Variants in SLC25A16 observed in about 807,000 individuals in gnomAD.
The protein encoded by SLC25A16 is mitochondrial coenzyme A transporter SLC25A16.
Under a neutral mutation model 41.5 loss-of-function variants are expected in SLC25A16, and 39 were observed. The observed-to-expected ratio is 0.94, with a 90% CI of 0.73 to 1.23. The LOEUF (loss-of-function observed/expected upper bound fraction) is 1.23, where lower values mean the gene tolerates loss of function less well. SLC25A16 is among the 50% of genes most tolerant of loss of function. The pLI, the probability that SLC25A16 is intolerant of heterozygous loss-of-function variation, is 0.00. For missense variants in SLC25A16, 421 were observed against 426.9 expected, an observed-to-expected ratio of 0.99 and a Z score of 0.12; for synonymous variants, 146 against 147.8, an observed-to-expected ratio of 0.99 and a Z score of 0.09.
At chr10:68,512,355 T>TCACTCCTGGATATGAAGATA (rs2053078444) in intron 2 of SLC25A16, among the ~76,000 whole-genome samples, 1 of 141,744 alleles carries the variant, frequency 7.1e-6, no homozygotes, top group Admixed American at 7.2e-5. Context: ...TAAATGATAT[T>TCACTCCTGGATATGAAGATA]GGCCGGGCGC....
intron 4 of SLC25A16, among the ~76,000 whole-genome samples, chr10:68,498,009 G>C (rs531259396): frequency 6.6e-6 from 1 of 152,016 alleles, no homozygotes; most frequent in African/African-American, 2.4e-5. Context: ...CCAAAGAACT[G>C]GGTTTATAGA....
At chr10:68,498,369 G>A (rs1189943847) in intron 4 of SLC25A16, among the ~76,000 whole-genome samples, 8 of 145,052 alleles carry the variant, frequency 5.5e-5, no homozygotes, top group Non-Finnish European at 1.0e-4. Context: ...CACCGTGCCC[G>A]GCCCTAGAAT....
chr10:68,514,585 G>A (rs187143488), intron 2 of SLC25A16, among the ~76,000 whole-genome samples: 1 of 152,256 alleles, frequency 6.6e-6, no homozygotes, highest in African/African-American at 2.4e-5. Flanking sequence ...TCCTAGAACT[G>A]GAACCGCAAG....
chr10:68,516,705 C>A (rs748004775), intron 2 of SLC25A16, 46 bp downstream of exon 2: 1 of 1,352,276 alleles, frequency 7.4e-7, no homozygotes, highest in Non-Finnish European at 1.0e-6. Flanking sequence ...TGCCCACTTT[C>A]CACAATATTT....
chr10:68,497,103 T>C (rs561901214), intron 4 of SLC25A16, among the ~76,000 whole-genome samples: 3 of 152,330 alleles, frequency 2.0e-5, no homozygotes, highest in Admixed American at 6.5e-5. Context: ...CATCAATTCA[T>C]CCTCTCCCGC....
rs1186180183 is a variant in SLC25A16, at chr10:68,479,184, A to T, written c.*4248T>A. 6.6e-6 allele frequency: 1 copy of T among 152,196 alleles called. No individual in the cohort carries two copies. The highest frequency in any genetic ancestry group is 1.5e-5 in the Non-Finnish European group (1 of 68,036). 9.4% of individuals were successfully genotyped at this position (152,196 alleles called of 1,614,324 possible). On this transcript the variant is annotated 3_prime_UTR_variant, in exon 9 of 9. Transcript: ENST00000609923. ...TATTTGTGCTTCATTTCTGCCTGCT[A>T]GAACATAAAGTCTTCAAAAACAGGG...
chr10:68,516,766 G>GGTGATTGTGAGCTTGTAATA lies in SLC25A16; in HGVS notation c.188_207dup (p.His70TyrfsTer12). The stretch of plus-strand genomic sequence containing the variant: ...ATTAACTCACCTAAATGCTTGTAAT[G>GGTGATTGTGAGCTTGTAATA]GTGATTGTGAGCTTGTAATAAAACC... On this transcript the variant is annotated frameshift_variant, in exon 2 of 9. Transcript: ENST00000609923. LOFTEE classifies it high-confidence loss of function. 1 of 1,606,594 alleles carries GGTGATTGTGAGCTTGTAATA rather than the reference G, an allele frequency of 6.2e-7. No individual in the cohort carries two copies.
chr10:68,520,379 G>C (rs2053230301), intron 1 of SLC25A16, among the ~76,000 whole-genome samples: 1 of 152,070 alleles, frequency 6.6e-6, no homozygotes, highest in African/African-American at 2.4e-5. Context: ...TAGACAATCT[G>C]TAAATAAACA....
intron 4 of SLC25A16, chr10:68,496,714 G>C: frequency 1.1e-6 from 1 of 938,460 alleles, no homozygotes; most frequent in Non-Finnish European, 1.3e-6. Context: ...GGAAACCTGA[G>C]AACATATTTT....
chr10:68,496,054 T>A (rs10998228), intron 4 of SLC25A16, among the ~76,000 whole-genome samples: 13,397 of 152,198 alleles, frequency 0.088, 895 homozygotes, highest in South Asian at 0.24. Context: ...TCTCATGTAT[T>A]CTATTGAAAC....
At chr10:68,492,432 T>G (rs961168897) in intron 6 of SLC25A16, among the ~76,000 whole-genome samples, 2 of 152,108 alleles carry the variant, frequency 1.3e-5, no homozygotes, top group African/African-American at 4.8e-5. Flanking sequence ...CATAACTGTA[T>G]GTAAATCCAC....
At chr10:68,508,827 A>AT (rs1452121223) in intron 2 of SLC25A16, among the ~76,000 whole-genome samples, 1 of 152,176 alleles carries the variant, frequency 6.6e-6, no homozygotes, top group Non-Finnish European at 1.5e-5. Context: ...GGGTAATCAA[A>AT]TTTAGAGTAA....
chr10:68,483,396 G>A lies in SLC25A16; in HGVS notation c.*36C>T. Reference sequence around the variant, plus strand: ...ATAGTAATGTTTCATTTCTCCCTCTGAGAATGTATTAAGAAAAACCAACCA... The same window carrying A: ...ATAGTAATGTTTCATTTCTCCCTCTAAGAATGTATTAAGAAAAACCAACCA... On this transcript the variant is annotated 3_prime_UTR_variant, in exon 9 of 9. Transcript: ENST00000609923. 2 of 1,345,194 alleles carry A rather than the reference G, an allele frequency of 1.5e-6. No individual in the cohort carries two copies. The highest frequency in any genetic ancestry group is 2.1e-6 in the Non-Finnish European group (2 of 970,346). 83.3% of individuals were successfully genotyped at this position (1,345,194 alleles called of 1,614,324 possible). A position where few individuals can be genotyped will look rare whatever the true frequency, so the allele number is the denominator to read the frequency against.
intron 4 of SLC25A16, chr10:68,499,969 A>G: frequency 1.9e-6 from 1 of 513,144 alleles, no homozygotes; most frequent in East Asian, 4.3e-5. Flanking sequence ...GCAGGAATAA[A>G]GTAATCTTAT....
chr10:68,494,052 C>A (rs1426664289), intron 4 of SLC25A16, among the ~76,000 whole-genome samples: 3 of 152,130 alleles, frequency 2.0e-5, no homozygotes, highest in Non-Finnish European at 4.4e-5. Context: ...TATACTATAA[C>A]AGGTATTTAC....
rs2052463397 is a variant in SLC25A16 at position 68,479,640 on chromosome 10, C to T, written c.*3792G>A. ...GCCAACAGGGCAAAACCCAGCTCTA[C>T]TAAATACACAAAAATTAGCTGGGCG... On this transcript the variant is annotated 3_prime_UTR_variant, in exon 9 of 9. Coordinates refer to ENST00000609923, the MANE Select transcript of SLC25A16 (RefSeq NM_152707.4). 6.6e-6 allele frequency: 1 copy of T among 152,016 alleles called. No individual in the cohort carries two copies. Among genetic ancestry groups the T allele is most frequent in the African/African-American group, 2.4e-5 (1 of 41,380 alleles). 9.4% of individuals were successfully genotyped at this position (152,016 alleles called of 1,614,324 possible).
At position 68,527,250 on chromosome 10, in the gene SLC25A16, G is replaced by T; in HGVS notation, c.126C>A (p.Ala42=). The change falls in exon 1 of 9, where the codon GCC becomes GCA. Residue 42 remains alanine, a synonymous_variant. Transcript: ENST00000609923. ...CTCTTCGTGGCATGGACCCACCTCCGGCCAGAAAGGAGCGCAGCCAGTAGA... is the reference window on the plus strand; with the variant it reads ...CTCTTCGTGGCATGGACCCACCTCCTGCCAGAAAGGAGCGCAGCCAGTAGA... The part of the protein sequence containing the change: ...RDFYWLRSFL[A]GGIAGCCAKT... 6.5e-7 allele frequency: 1 copy of T among 1,547,988 alleles called. No homozygotes were observed. Among genetic ancestry groups the T allele is most frequent in the East Asian group, 2.5e-5 (1 of 40,412 alleles).
chr10:68,527,502 G>A lies in SLC25A16; in HGVS notation c.-127C>T. ...GCGGGGCAAAGTAACACCCGGCGGC[G>A]CGGCGCCGGCTGATGGCGTACAGCA... On this transcript the variant is annotated 5_prime_UTR_variant, in exon 1 of 9. Transcript: ENST00000609923. 1 of 888,900 alleles carries A rather than the reference G, an allele frequency of 1.1e-6. No individual in the cohort carries two copies. Among genetic ancestry groups the A allele is most frequent in the Middle Eastern group, 3.6e-4 (1 of 2,794 alleles). The allele number at this position is 888,900 out of a possible 1,614,324, so 55.1% of individuals were successfully genotyped here.
chr10:68,521,864 T>C (rs965799210), intron 1 of SLC25A16, among the ~76,000 whole-genome samples: 1 of 151,380 alleles, frequency 6.6e-6, no homozygotes, highest in African/African-American at 2.4e-5. Flanking sequence ...CCCAAAGTGC[T>C]GGGATTACAG....
Sources: gnomAD v4.1 joint callset for allele counts (sites outside exome capture counted in the v4.1 genomes callset) on GRCh38, gnomAD v4.1.1 for gene constraint, MANE v1.5 for transcripts, NCBI Gene and HGNC (gene_info 2026-07-23, HGNC 2026-07-21) for gene names.